Variants in IGF2BP2 observed in about 807,000 individuals in gnomAD.
IGF2BP2 encodes the protein insulin like growth factor 2 mRNA binding protein 2.
Under a neutral mutation model 75.8 loss-of-function variants are expected in IGF2BP2, and 17 were observed. That is an observed-to-expected ratio of 0.22 (90% CI 0.15 to 0.34). IGF2BP2 has a LOEUF of 0.34. Ranked by LOEUF, IGF2BP2 falls within the 10% of genes least tolerant of loss-of-function variation. The probability of loss-of-function intolerance (pLI) is 1.00; values close to 1 mark genes in which losing one functional copy is unlikely to be tolerated. For missense variants in IGF2BP2, 516 were observed against 772.4 expected, an observed-to-expected ratio of 0.67 and a Z score of 3.93; for synonymous variants, 288 against 295.6, an observed-to-expected ratio of 0.97 and a Z score of 0.26.
At chr3:185,665,452 GAGGAGAAGAAGAAGAAGA>G (rs1717316690) in intron 10 of IGF2BP2, among the ~76,000 whole-genome samples, 3 of 109,810 alleles carry the variant, frequency 2.7e-5, no homozygotes, top group South Asian at 3.7e-4. Context: ...GGAGGAGGAG[GAGGAGAAGAAGAAGAAGA>G]AGAAGGAGAA....
At chr3:185,813,455 A>G (rs1740177055) in intron 2 of IGF2BP2, among the ~76,000 whole-genome samples, 1 of 152,206 alleles carries the variant, frequency 6.6e-6, no homozygotes, top group South Asian at 2.1e-4. Context: ...TGACTTGAAG[A>G]CATCACTATC....
intron 2 of IGF2BP2, among the ~76,000 whole-genome samples, chr3:185,806,243 TAC>T (rs1295117925): frequency 1.3e-5 from 2 of 152,182 alleles, no homozygotes; most frequent in African/African-American, 4.8e-5. Flanking sequence ...GATTTTAAAC[TAC>T]AGAGAGGTCA....
At position 185,647,058 on chromosome 3, in the gene IGF2BP2, G is replaced by T. The variant is rs767385552; in HGVS notation, c.1674C>A (p.Ile558=). The change falls in exon 15 of 16, where the codon ATC becomes ATA. Residue 558 remains isoleucine, a synonymous_variant. Coordinates refer to ENST00000382199, the MANE Select transcript of IGF2BP2 (RefSeq NM_006548.6). The surrounding 1 kb of genome is among the most constrained non-coding windows in gnomAD (Gnocchi z 4.9). ...DQTPDENEEV[I]VRIIGHFFAS... is the part of the protein sequence containing the mutation. ...CAAAGAAGTGCCCGATAATTCTGAC[G>T]ATCACTTCCTCATTTTCATCTGGCG... The T allele has an allele frequency of 1.2e-6, 2 of 1,613,968 alleles. No individual in the cohort carries two copies. The highest frequency in any genetic ancestry group is 1.1e-5 in the South Asian group (1 of 91,074).
At chr3:185,811,286 C>T (rs886371018) in intron 2 of IGF2BP2, among the ~76,000 whole-genome samples, 9 of 152,122 alleles carry the variant, frequency 5.9e-5, no homozygotes, top group African/African-American at 1.2e-4. Flanking sequence ...AAGATCCATA[C>T]GAGTTAATCC....
chr3:185,684,687 G>A (rs764978963), intron 7 of IGF2BP2, among the ~76,000 whole-genome samples: 18 of 152,292 alleles, frequency 1.2e-4, no homozygotes, highest in Middle Eastern at 6.8e-3. Flanking sequence ...GATTACAGGC[G>A]TGAGTCACCA....
chr3:185,695,790 GTTTT>G (rs1186370923), intron 4 of IGF2BP2, among the ~76,000 whole-genome samples: 1 of 152,028 alleles, frequency 6.6e-6, no homozygotes, highest in Non-Finnish European at 1.5e-5. Context: ...TCACTTCAGG[GTTTT>G]TGTTTGTTTG....
intron 2 of IGF2BP2, among the ~76,000 whole-genome samples, chr3:185,822,174 T>A (rs917694057): frequency 1.3e-5 from 2 of 152,182 alleles, no homozygotes; most frequent in Non-Finnish European, 2.9e-5. Flanking sequence ...GGTAGTTTGT[T>A]TTAAAATCTA....
At chr3:185,737,104 TAC>T (rs1320045205) in intron 2 of IGF2BP2, among the ~76,000 whole-genome samples, 1 of 152,262 alleles carries the variant, frequency 6.6e-6, no homozygotes, top group African/African-American at 2.4e-5. Flanking sequence ...TGATTCTAAA[TAC>T]ATTTTCTCTT....
rs535121399 is a variant in IGF2BP2, at chr3:185,686,847, C to G, written c.812+210G>C. 2.6e-5 allele frequency among the ~76,000 whole-genome samples: 4 copies of G among 152,086 alleles called. No individual in the cohort carries two copies. The East Asian group carries it at 7.7e-4, about 29-fold the overall frequency. ...TAGAAGCATCAAAATCACCGAGAGA[C>G]ATGCAAGTGAAGAGACAGCCATATG... On this transcript the variant is annotated intron_variant, in intron 7 of 15. Transcript: ENST00000382199.
At chr3:185,726,451 G>A (rs1727340524) in intron 2 of IGF2BP2, among the ~76,000 whole-genome samples, 2 of 152,232 alleles carry the variant, frequency 1.3e-5, no homozygotes, top group Non-Finnish European at 1.5e-5. Context: ...GCTAAAATGA[G>A]ATGGTGAAAT....
chr3:185,786,461 C>T (rs1735902604), intron 2 of IGF2BP2, among the ~76,000 whole-genome samples: 1 of 152,182 alleles, frequency 6.6e-6, no homozygotes, highest in African/African-American at 2.4e-5. Context: ...TTTGTTCCTG[C>T]CCCACCTTAA....
At chr3:185,668,170 G>A (rs189491986) in intron 10 of IGF2BP2, among the ~76,000 whole-genome samples, 48 of 152,108 alleles carry the variant, frequency 3.2e-4, no homozygotes, top group South Asian at 4.1e-4. Flanking sequence ...ACCCAAATGC[G>A]TAAAACTAGT....
chr3:185,714,591 A>T (rs1252638248), intron 2 of IGF2BP2, among the ~76,000 whole-genome samples: 2 of 152,226 alleles, frequency 1.3e-5, no homozygotes, highest in African/African-American at 4.8e-5. Context: ...GCCCATCCAT[A>T]GGTGAAAAAT....
At chr3:185,764,142 T>C (rs905706525) in intron 2 of IGF2BP2, among the ~76,000 whole-genome samples, 2 of 151,638 alleles carry the variant, frequency 1.3e-5, no homozygotes, top group Non-Finnish European at 2.9e-5. Flanking sequence ...AAAATACTAT[T>C]ATATGTCTAT....
chr3:185,656,637 G>A (rs1410404909), intron 12 of IGF2BP2, among the ~76,000 whole-genome samples: 1 of 152,226 alleles, frequency 6.6e-6, no homozygotes, highest in Non-Finnish European at 1.5e-5. Context: ...AGTCAGAGCT[G>A]ATAGCTGGTC....
At chr3:185,787,040 T>G (rs1735988554) in intron 2 of IGF2BP2, among the ~76,000 whole-genome samples, 1 of 152,220 alleles carries the variant, frequency 6.6e-6, no homozygotes, top group Admixed American at 6.5e-5. Context: ...TGCTGACTCC[T>G]GATCCAGAGG....
rs544302902 is a variant in IGF2BP2, at chr3:185,780,484, G to T, written c.239+42669C>A. 2.2e-4 allele frequency among the ~76,000 whole-genome samples: 34 copies of T among 152,304 alleles called. No individual in the cohort carries two copies. The South Asian group carries it at 2.7e-3, about 12-fold the overall frequency. The stretch of plus-strand genomic sequence containing the variant: ...TTTAAAGATCTTCAGCAAACTGCGG[G>T]TATTTGGTACACTGGCACAGACCAT... On this transcript the variant is annotated intron_variant, in intron 2 of 15. Transcript: ENST00000382199.
chr3:185,722,995 ATGTCATTTTGTTC>A (rs1270538741), intron 2 of IGF2BP2, among the ~76,000 whole-genome samples: 1 of 152,186 alleles, frequency 6.6e-6, no homozygotes, highest in Non-Finnish European at 1.5e-5. Context: ...CCAAAGGGGT[ATGTCATTTTGTTC>A]TGCCTTTGCT....
intron 2 of IGF2BP2, among the ~76,000 whole-genome samples, chr3:185,822,604 G>A (rs1458714111): frequency 6.6e-6 from 1 of 152,174 alleles, no homozygotes; most frequent in Non-Finnish European, 1.5e-5. Context: ...AGTAGTCTCA[G>A]TGACTGAAAA....
Sources: gnomAD v4.1 joint callset for allele counts (sites outside exome capture counted in the v4.1 genomes callset) on GRCh38, gnomAD v4.1.1 for gene constraint, Gnocchi (gnomAD v3.1) non-coding constraint, MANE v1.5 for transcripts, NCBI Gene and HGNC (gene_info 2026-07-23, HGNC 2026-07-21) for gene names.